Variants in PIK3IP1 observed in about 807,000 individuals in gnomAD.
PIK3IP1 encodes phosphoinositide-3-kinase interacting protein 1, also known as phosphoinositide-3-kinase-interacting protein 1.
Under a neutral mutation model 30.7 loss-of-function variants are expected in PIK3IP1, and 28 were observed. The observed-to-expected ratio is 0.91, with a 90% CI of 0.68 to 1.25. PIK3IP1 has a LOEUF of 1.25. Ranked by LOEUF, PIK3IP1 falls within the 50% of genes most tolerant of loss-of-function variation. The pLI, the probability that PIK3IP1 is intolerant of heterozygous loss-of-function variation, is 0.00. For missense variants in PIK3IP1, 333 were observed against 346.2 expected, an observed-to-expected ratio of 0.96 and a Z score of 0.30; for synonymous variants, 159 against 140.8, an observed-to-expected ratio of 1.13 and a Z score of -0.91.
intron 1 of PIK3IP1, 79 bp from the exon 2 acceptor site, chr22:31,291,375 G>T (rs1003511431): frequency 3.6e-6 from 5 of 1,377,014 alleles, no homozygotes; most frequent in Non-Finnish European, 5.1e-6. Context: ...CAGGGGAGCC[G>T]GGACCACCCG....
intron 5 of PIK3IP1, among the ~76,000 whole-genome samples, chr22:31,287,762 G>T (rs2049143052): frequency 6.6e-6 from 1 of 152,050 alleles, no homozygotes. Context: ...ATTTGCCCAG[G>T]GTCACAGAGA....
intron 3 of PIK3IP1, 178 bp downstream of exon 3, chr22:31,290,787 T>G: frequency 1.1e-6 from 1 of 894,206 alleles, no homozygotes; most frequent in Non-Finnish European, 1.6e-6. Flanking sequence ...CTCATACGAG[T>G]GGCGGCGGCG....
In PIK3IP1 at chr22:31,290,599, G is replaced by T. The variant is rs938337647; in HGVS notation, c.307+366C>A. ...GACTTCTTCCCGCGGTGTGTGTCAG[G>T]GGAGGTTGGGGAGCTGGGGTTGTGA... On this transcript the variant is annotated intron_variant, in intron 3 of 5. Transcript: ENST00000215912. 9 of 200,118 alleles carry T rather than the reference G, an allele frequency of 4.5e-5. No homozygotes were observed. The South Asian group carries it at 4.6e-4, about 10-fold the overall frequency. 12.4% of individuals were successfully genotyped at this position (200,118 alleles called of 1,614,324 possible).
Position 31,283,186 on chromosome 22 carries a change from A to T in PIK3IP1, c.690T>A (p.Ile230=), listed in dbSNP as rs1305026603. 2.5e-6 allele frequency: 4 copies of T among 1,614,164 alleles called. No homozygotes were observed. The East Asian group carries it at 8.9e-5, about 36-fold the overall frequency. The change falls in exon 6 of 6, where the codon ATT becomes ATA. Residue 230 remains isoleucine, a synonymous_variant. Coordinates refer to ENST00000215912, the MANE Select transcript of PIK3IP1 (RefSeq NM_052880.5). ...LSAFTNPTCE[I]VDEKTVVVHT... is the part of the protein sequence containing the mutation. Reference sequence around the variant, plus strand: ...GGACCACGACAGTCTTCTCATCCACAATCTCACAGGTGGGGTTGGTGAAGG... The same window carrying T: ...GGACCACGACAGTCTTCTCATCCACTATCTCACAGGTGGGGTTGGTGAAGG...
intron 5 of PIK3IP1, among the ~76,000 whole-genome samples, chr22:31,286,513 G>T (rs1490535656): frequency 6.6e-6 from 1 of 152,218 alleles, no homozygotes. Context: ...GAAGAAAGGG[G>T]TGATCTGGTC....
intron 5 of PIK3IP1, chr22:31,288,897 G>T: frequency 3.2e-6 from 1 of 308,088 alleles, no homozygotes; most frequent in Non-Finnish European, 5.9e-6. Flanking sequence ...ATAACTCACA[G>T]AAAGAATTTG....
At position 31,285,100 on chromosome 22, in the gene PIK3IP1, A is replaced by T. The variant is rs1312510338; in HGVS notation, c.588-1812T>A. ...TACCTCCAACTTCCTCTCCCAGAGT[A>T]TGGAAGCACCACAGACCTCATTCAG... On this transcript the variant is annotated intron_variant, in intron 5 of 5. Transcript: ENST00000215912. Among the ~76,000 whole-genome samples the T allele has an allele frequency of 2.0e-5, 3 of 152,170 alleles. No homozygotes were observed. The East Asian group carries it at 5.8e-4, about 29-fold the overall frequency.
intron 1 of PIK3IP1, among the ~76,000 whole-genome samples, chr22:31,291,922 TCC>T (rs1192976243): frequency 6.6e-6 from 1 of 151,946 alleles, no homozygotes; most frequent in Non-Finnish European, 1.5e-5. Context: ...GACTCCAAGC[TCC>T]CACTCCCCTC....
chr22:31,291,155 G>A (rs1441910731), intron 2 of PIK3IP1, 25 bp downstream of exon 2: 5 of 1,539,514 alleles, frequency 3.2e-6, no homozygotes, highest in Non-Finnish European at 4.4e-6. Context: ...GCCAGCCCCG[G>A]GGCCGTCCCC....
intron 3 of PIK3IP1, 174 bp downstream of exon 3, chr22:31,290,791 G>A (rs2049169814): frequency 1.1e-6 from 1 of 939,208 alleles, no homozygotes; most frequent in Non-Finnish European, 1.5e-6. Flanking sequence ...TACGAGTGGC[G>A]GCGGCGGCCA....
intron 5 of PIK3IP1, among the ~76,000 whole-genome samples, chr22:31,288,254 G>A (rs1480783094): frequency 6.6e-6 from 1 of 152,070 alleles, no homozygotes; most frequent in Admixed American, 6.6e-5. Flanking sequence ...GGACATGCCT[G>A]TAGTCCCAGC....
chr22:31,290,922 G>A, intron 3 of PIK3IP1, 43 bp downstream of exon 3: 1 of 1,532,968 alleles, frequency 6.5e-7, no homozygotes, highest in Non-Finnish European at 8.7e-7. Context: ...GCCGCTTCCT[G>A]TCAGCGCCAG....
intron 3 of PIK3IP1, chr22:31,290,388 CA>C (rs551915826): frequency 6.6e-6 from 1 of 152,100 alleles, no homozygotes; most frequent in Non-Finnish European, 1.5e-5. Flanking sequence ...GACTCCGTCT[CA>C]AAAAATAAAA....
rs372228401 is a variant in PIK3IP1, at chr22:31,289,404, T to C, written c.509-11A>G. 2.3e-5 allele frequency: 37 copies of C among 1,600,360 alleles called. No individual in the cohort carries two copies. The highest frequency in any genetic ancestry group is 1.9e-4 in the Admixed American group (11 of 57,590). On this transcript the variant is annotated splice_polypyrimidine_tract_variant and intron_variant, in intron 4 of 5. Transcript: ENST00000215912. ...TGCCCAGCACGTAGCCTGCCAAGGA[T>C]AGGACACAAGGTCCCATTAGCCACA...
At position 31,291,188 on chromosome 22, in the gene PIK3IP1, G is replaced by A; in HGVS notation, c.179C>T (p.Pro60Leu). The A allele has an allele frequency of 6.5e-7, 1 of 1,546,916 alleles. No homozygotes were observed. Among genetic ancestry groups the A allele is most frequent in the South Asian group, 1.2e-5 (1 of 83,938 alleles). The change falls in exon 2 of 6, where the codon CCC becomes CTC. Residue 60 changes from proline (P) to leucine (L), a missense_variant. Transcript: ENST00000215912. ...CCCCGGAGGACACTTACCCGACACG[G>A]GGGCCGAGGCCAGCCCGCTCTGCGC... The part of the protein sequence containing the change: ...LDAQSGLASA[P>L]VSGAGNHSYC...
rs1601457296 is a variant in PIK3IP1 at position 31,282,899 on chromosome 22, A to C, written c.*185T>G. ...GGGATGGACAAGGAGCACTGTTAGGACCCTACCCAGCCTTACCCTCAGCCC... is the reference window on the plus strand; with the variant it reads ...GGGATGGACAAGGAGCACTGTTAGGCCCCTACCCAGCCTTACCCTCAGCCC... On this transcript the variant is annotated 3_prime_UTR_variant, in exon 6 of 6. Transcript: ENST00000215912. The C allele has an allele frequency of 3.4e-6, 2 of 594,234 alleles. No individual in the cohort carries two copies. The highest frequency in any genetic ancestry group is 6.0e-6 in the Non-Finnish European group (2 of 334,362). The allele number at this position is 594,234 out of a possible 1,614,324, so 36.8% of individuals were successfully genotyped here.
At chr22:31,286,460 T>A (rs1273514249) in intron 5 of PIK3IP1, among the ~76,000 whole-genome samples, 1 of 152,212 alleles carries the variant, frequency 6.6e-6, no homozygotes, top group Non-Finnish European at 1.5e-5. Flanking sequence ...TAAGCCCACA[T>A]GCGGTTTCCT....
chr22:31,285,680 A>AT (rs1174902417), intron 5 of PIK3IP1, among the ~76,000 whole-genome samples: 1 of 152,020 alleles, frequency 6.6e-6, no homozygotes, highest in Non-Finnish European at 1.5e-5. Flanking sequence ...TTAAATTTCT[A>AT]TTTTTCCTAC....
chr22:31,291,848 C>T (rs1201630584), intron 1 of PIK3IP1, among the ~76,000 whole-genome samples: 1 of 152,202 alleles, frequency 6.6e-6, no homozygotes, highest in Non-Finnish European at 1.5e-5. Context: ...GCCTTGACTC[C>T]GTCAGGCAAA....
Sources: allele counts gnomAD v4.1 joint callset (sites outside exome capture counted in the v4.1 genomes callset), GRCh38; gene constraint gnomAD v4.1.1; transcripts MANE v1.5; gene names NCBI Gene and HGNC (gene_info 2026-07-23, HGNC 2026-07-21).